Variants in LRTM3 observed in about 807,000 individuals in gnomAD.
LRTM3 encodes the protein leucine rich repeat transmembrane protein 3, also known as leucine-rich repeat transmembrane protein 3.
chr13:102,757,849 T>C, the LRTM3 span, among the ~76,000 whole-genome samples: 69 of 152,346 alleles, frequency 4.5e-4, no homozygotes, highest in Middle Eastern at 3.4e-3. Context: ...GACTATATTA[T>C]GGTTTGAATC....
At chr13:102,741,946 T>C in the LRTM3 span, 1 of 1,550,466 alleles carries the variant, frequency 6.4e-7, no homozygotes, top group South Asian at 1.2e-5. Context: ...TTTGTTCCTT[T>C]TCTCTAATAT....
At chr13:102,739,785 A>G in the LRTM3 span, 193 of 1,549,074 alleles carry the variant, frequency 1.2e-4, no homozygotes, top group African/African-American at 2.0e-3. Context: ...TCTTTATTCA[A>G]TTTGAAGTGA....
At chr13:102,740,665 T>C in the LRTM3 span, 4 of 1,548,154 alleles carry the variant, frequency 2.6e-6, no homozygotes, top group Non-Finnish European at 3.5e-6. Context: ...CTAATTTCTC[T>C]TGTTGCATAG....
chr13:102,755,961 ATTTT>A, the LRTM3 span, among the ~76,000 whole-genome samples: 10 of 53,382 alleles, frequency 1.9e-4, no homozygotes, highest in Admixed American at 1.4e-3. Flanking sequence ...ATATATATAT[ATTTT>A]TTTTTTTTCC....
the LRTM3 span, chr13:102,748,068 C>T: frequency 3.9e-6 from 6 of 1,551,078 alleles, no homozygotes; most frequent in Non-Finnish European, 5.2e-6. Context: ...TGCTTTGATG[C>T]TGAATGACTG....
the LRTM3 span, chr13:102,733,554 T>C: frequency 1.3e-6 from 2 of 1,551,250 alleles, no homozygotes; most frequent in Non-Finnish European, 1.7e-6. Flanking sequence ...ATTATTTCAG[T>C]GTCTTCTTCC....
chr13:102,738,060 G>T, the LRTM3 span: 2 of 1,549,786 alleles, frequency 1.3e-6, no homozygotes, highest in Non-Finnish European at 1.7e-6. Context: ...TCTTTCCCTT[G>T]CTCCTCACCT....
chr13:102,744,007 CGCT>C, the LRTM3 span: 1 of 1,550,160 alleles, frequency 6.5e-7, no homozygotes, highest in East Asian at 2.4e-5. Context: ...GAATGCACCT[CGCT>C]GCTGTATTGT....
At chr13:102,738,961 T>C in the LRTM3 span, 1 of 1,550,576 alleles carries the variant, frequency 6.4e-7, no homozygotes, top group Non-Finnish European at 8.7e-7. Context: ...GCATATGTTT[T>C]GCTTTTTCAA....
At chr13:102,738,110 AT>A in the LRTM3 span, 10 of 1,549,956 alleles carry the variant, frequency 6.5e-6, no homozygotes, top group Non-Finnish European at 8.7e-6. Context: ...TTCTTGATCC[AT>A]TTTCCCTGGC....
At chr13:102,735,891 G>A in the LRTM3 span, 2 of 1,539,400 alleles carry the variant, frequency 1.3e-6, no homozygotes, top group Non-Finnish European at 1.8e-6. Context: ...ACCACTCCAG[G>A]TTCCTTTTTG....
the LRTM3 span, chr13:102,747,697 A>C: frequency 1.9e-6 from 3 of 1,551,100 alleles, no homozygotes; most frequent in Non-Finnish European, 2.6e-6. Context: ...GATTCTTTGG[A>C]TCTCCGGCAC....
At chr13:102,744,711 C>T in the LRTM3 span, 4 of 1,550,556 alleles carry the variant, frequency 2.6e-6, no homozygotes, top group Non-Finnish European at 3.5e-6. Context: ...GGAACTGATT[C>T]TGTTAACATT....
At chr13:102,758,330 AG>A in the LRTM3 span, 1 of 928,446 alleles carries the variant, frequency 1.1e-6, no homozygotes, top group African/African-American at 1.7e-5. Context: ...TCTGAAATTC[AG>A]AAGTAAAGGC....
chr13:102,736,499 G>A, the LRTM3 span: 1 of 1,551,000 alleles, frequency 6.4e-7, no homozygotes, highest in African/African-American at 1.4e-5. Flanking sequence ...TTGCCTTGAA[G>A]GCAATGATTC....
the LRTM3 span, chr13:102,747,344 C>T: frequency 3.9e-6 from 6 of 1,549,900 alleles, no homozygotes; most frequent in Non-Finnish European, 5.2e-6. Context: ...TTCAAAATTG[C>T]CTCCCATTTT....
At chr13:102,746,150 T>A in the LRTM3 span, 1 of 1,551,174 alleles carries the variant, frequency 6.4e-7, no homozygotes, top group South Asian at 1.2e-5. Flanking sequence ...ACCTGTTTGG[T>A]GCTGCAAACG....
At chr13:102,742,065 T>A in the LRTM3 span, 1 of 1,550,520 alleles carries the variant, frequency 6.4e-7, no homozygotes, top group East Asian at 2.4e-5. Flanking sequence ...ATGCATGTCC[T>A]GTCTTTTGGC....
the LRTM3 span, chr13:102,733,499 A>G: frequency 1.3e-6 from 2 of 1,551,228 alleles, no homozygotes; most frequent in Non-Finnish European, 8.7e-7. Flanking sequence ...TTTCCTTATC[A>G]GTGAAACTGA....
Sources: allele counts gnomAD v4.1 joint callset (sites outside exome capture counted in the v4.1 genomes callset), GRCh38; gene constraint gnomAD v4.1.1; transcripts MANE v1.5; gene names NCBI Gene and HGNC (gene_info 2026-07-23, HGNC 2026-07-21).